The following TMEM117 variants were observed in gnomAD, a reference collection of about 807,000 sequenced individuals.
TMEM117 encodes transmembrane protein 117.
A neutral mutation model predicts 52.4 loss-of-function variants in TMEM117; 27 were observed. That is an observed-to-expected ratio of 0.51 (90% CI 0.38 to 0.71). The LOEUF is 0.71. Among genes scored for constraint, TMEM117 ranks in the 30% least tolerant of loss-of-function variants. TMEM117 has a pLI of 0.00. For missense variants in TMEM117, 556 were observed against 630.5 expected (o/e 0.88, Z 1.26); for synonymous variants, 215 against 206.3 (o/e 1.04, Z -0.36).
intron 6 of TMEM117, among the ~76,000 whole-genome samples, chr12:44,303,075 C>G (rs186533177): frequency 6.6e-6 from 1 of 151,450 alleles, no homozygotes; most frequent in African/African-American, 2.4e-5. Flanking sequence ...TGGAGTTTCA[C>G]TCTTGTTGCC....
intron 3 of TMEM117, among the ~76,000 whole-genome samples, chr12:44,083,327 C>T (rs1490731818): frequency 3.4e-5 from 5 of 149,170 alleles, no homozygotes; most frequent in African/African-American, 1.2e-4. Flanking sequence ...CCAGTTTACA[C>T]TATTCCTGGC....
intron 1 of TMEM117, among the ~76,000 whole-genome samples, chr12:43,837,116 TA>T (rs1943044992): frequency 1.3e-5 from 2 of 152,160 alleles, no homozygotes; most frequent in Admixed American, 1.3e-4. Context: ...CTTTATAGTT[TA>T]AAAGTAATTA....
the TMEM117 span, chr12:43,805,707 G>T: frequency 3.2e-6 from 3 of 950,484 alleles, no homozygotes; most frequent in Non-Finnish European, 4.5e-6. Context: ...TTTCCTATTT[G>T]GAGAGAAAAT....
At chr12:44,129,535 C>T (rs948364565) in intron 3 of TMEM117, among the ~76,000 whole-genome samples, 2 of 152,136 alleles carry the variant, frequency 1.3e-5, no homozygotes, top group African/African-American at 4.8e-5. Flanking sequence ...GGGAAATTAC[C>T]AAAGTGATTC....
Position 44,082,644 on chromosome 12 carries a change from A to G in TMEM117, c.411-60881A>G, listed in dbSNP as rs182096330. On this transcript the variant is annotated intron_variant, in intron 3 of 7. Coordinates refer to ENST00000266534, the MANE Select transcript of TMEM117 (RefSeq NM_032256.3). ...ACAACTATCAAATAATAATTATGTA[A>G]CAGTTTTACATATAAGCCTTTAAAG... is the stretch of plus-strand genomic sequence containing the variant. Among the ~76,000 whole-genome samples, 5 of 152,264 alleles carry G rather than the reference A, an allele frequency of 3.3e-5. No homozygotes were observed. In the East Asian group the frequency reaches 9.6e-4, roughly 29 times the overall value.
At chr12:44,226,501 A>ATGTGTGTG (rs56709250) in intron 5 of TMEM117, among the ~76,000 whole-genome samples, 55 of 149,280 alleles carry the variant, frequency 3.7e-4, no homozygotes, top group Admixed American at 8.7e-4. Flanking sequence ...AAATATATAT[A>ATGTGTGTG]TGTGTGTGTG....
rs150378464 is a variant in TMEM117, at chr12:43,940,526, T to A, written c.278-3684T>A. On this transcript the variant is annotated intron_variant, in intron 2 of 7. Transcript: ENST00000266534. ...GTCTACCTCTATTTTCCACAACATA[T>A]GTTTGCTCATTTTATATACACTTTT... Among the ~76,000 whole-genome samples the A allele has an allele frequency of 4.3e-3, 657 of 152,230 alleles. 1 individual carries two copies. Among genetic ancestry groups the A allele is most frequent in the Non-Finnish European group, 7.5e-3 (507 of 68,016 alleles).
chr12:43,858,247 A>G (rs780135416), intron 2 of TMEM117, among the ~76,000 whole-genome samples: 9 of 152,210 alleles, frequency 5.9e-5, no homozygotes, highest in Non-Finnish European at 1.3e-4. Flanking sequence ...TAAAATTGGA[A>G]CATAAACCGA....
intron 2 of TMEM117, among the ~76,000 whole-genome samples, chr12:43,900,871 A>G (rs1944293135): frequency 6.6e-6 from 1 of 152,130 alleles, no homozygotes; most frequent in African/African-American, 2.4e-5. Flanking sequence ...AGGAAGAACA[A>G]TGAAAAAGGA....
intron 3 of TMEM117, among the ~76,000 whole-genome samples, chr12:44,122,764 A>G (rs2138143462): frequency 6.6e-6 from 1 of 152,310 alleles, no homozygotes; most frequent in East Asian, 1.9e-4. Flanking sequence ...TTATGGTGGC[A>G]TAGTATTCTA....
At chr12:43,867,470 CTA>C (rs1160660916) in intron 2 of TMEM117, among the ~76,000 whole-genome samples, 1 of 152,074 alleles carries the variant, frequency 6.6e-6, no homozygotes, top group Non-Finnish European at 1.5e-5. Context: ...AGTGGTAGAC[CTA>C]AATCCAACTG....
In TMEM117 at chr12:43,923,708, T is replaced by A. The variant is rs139576445; in HGVS notation, c.278-20502T>A. Among the ~76,000 whole-genome samples, 105 of 152,304 alleles carry A rather than the reference T, an allele frequency of 6.9e-4. No homozygotes were observed. The Middle Eastern group carries it at 0.027, about 40-fold the overall frequency. ...TATATAAGATAATTTTCTGTCATAA[T>A]TTCAAGTTAGTGTACAATAAAAATT... On this transcript the variant is annotated intron_variant, in intron 2 of 7. Coordinates refer to ENST00000266534, the MANE Select transcript of TMEM117 (RefSeq NM_032256.3).
chr12:44,061,499 C>G (rs1474950329), intron 3 of TMEM117, among the ~76,000 whole-genome samples: 1 of 151,606 alleles, frequency 6.6e-6, no homozygotes, highest in Admixed American at 6.6e-5. Context: ...GACTAGGGAT[C>G]AAGGAGAGAG....
At chr12:44,062,256 A>G (rs1947151495) in intron 3 of TMEM117, among the ~76,000 whole-genome samples, 1 of 152,218 alleles carries the variant, frequency 6.6e-6, no homozygotes, top group Non-Finnish European at 1.5e-5. Context: ...TTAGAAGTAA[A>G]TAAAGTTGAA....
chr12:44,299,710 T>G lies in TMEM117; in HGVS notation c.739T>G (p.Leu247Val). The G allele has an allele frequency of 6.2e-7, 1 of 1,614,196 alleles. No homozygotes were observed. Among genetic ancestry groups the G allele is most frequent in the Non-Finnish European group, 8.5e-7 (1 of 1,180,026 alleles). ...CAGAGCATTCCTTGCTTCTTTTATCTTGGTCTTTGACCTTCTTATTGTGAT... is the reference window on the plus strand; with the variant it reads ...CAGAGCATTCCTTGCTTCTTTTATCGTGGTCTTTGACCTTCTTATTGTGAT... ...VSRAFLASFI[L>V]VFDLLIVMQD... is the part of the protein sequence containing the mutation. Residue 247 changes from leucine to valine, a missense_variant, in exon 6 of 8, where the codon TTG becomes GTG. By Grantham distance (32) the Leu-to-Val change is conservative (BLOSUM62 1). Coordinates refer to ENST00000266534, the MANE Select transcript of TMEM117 (RefSeq NM_032256.3).
At chr12:44,265,625 A>G (rs1395872472) in intron 5 of TMEM117, among the ~76,000 whole-genome samples, 1 of 152,166 alleles carries the variant, frequency 6.6e-6, no homozygotes, top group Non-Finnish European at 1.5e-5. Context: ...ATAACATAAA[A>G]TTAACCATTT....
chr12:43,919,168 C>T (rs1944652710), intron 2 of TMEM117, among the ~76,000 whole-genome samples: 1 of 152,140 alleles, frequency 6.6e-6, no homozygotes, highest in Non-Finnish European at 1.5e-5. Context: ...GAAGTATACC[C>T]TCTTTAACAA....
intron 3 of TMEM117, among the ~76,000 whole-genome samples, chr12:44,126,336 T>C (rs558258188): frequency 2.6e-5 from 4 of 152,232 alleles, no homozygotes; most frequent in Non-Finnish European, 5.9e-5. Context: ...TAACTGAGTA[T>C]AAATGTATAC....
chr12:44,192,678 A>G (rs561445824), intron 4 of TMEM117, among the ~76,000 whole-genome samples: 2 of 152,346 alleles, frequency 1.3e-5, no homozygotes, highest in East Asian at 3.9e-4. Context: ...ACTTCATTAA[A>G]TATTGTTAAC....
Sources: allele counts gnomAD v4.1 joint callset (sites outside exome capture counted in the v4.1 genomes callset), GRCh38; gene constraint gnomAD v4.1.1; transcripts MANE v1.5; gene names NCBI Gene and HGNC (gene_info 2026-07-23, HGNC 2026-07-21).